The following CCR3 variants were observed in gnomAD, a reference collection of about 807,000 sequenced individuals.
CCR3 encodes C-C chemokine receptor type 3.
For synonymous variants in CCR3, 203 were observed against 179.2 expected (o/e 1.13, Z -1.06); for missense variants, 419 against 437.5 (o/e 0.96, Z 0.38).
intron 2 of CCR3, among the ~76,000 whole-genome samples, chr3:46,219,546 A>G (rs1444508027): frequency 6.6e-6 from 1 of 152,208 alleles, no homozygotes; most frequent in Non-Finnish European, 1.5e-5. Flanking sequence ...AACAAAAAGA[A>G]CAAATCTGGA....
intron 2 of CCR3, among the ~76,000 whole-genome samples, chr3:46,225,636 T>A: frequency 6.6e-6 from 1 of 152,230 alleles, no homozygotes; most frequent in East Asian, 1.9e-4. Context: ...CTCATGGTAG[T>A]TTTAATTTGC....
In CCR3 at chr3:46,243,002, T is replaced by TATACACAC. The variant is rs56773457; in HGVS notation, c.-12+465_-12+466insTACACACA. ...ATACACATATATATATATATATATA[T>TATACACAC]ACGCACACACACATACATTTTTATA... On this transcript the variant is annotated intron_variant, in intron 1 of 1. Transcript: ENST00000395940. Among the ~76,000 whole-genome samples, 107 of 123,734 alleles carry TATACACAC rather than the reference T, an allele frequency of 8.6e-4. 1 individual carries two copies. Among genetic ancestry groups the TATACACAC allele is most frequent in the African/African-American group, 2.5e-3 (76 of 30,726 alleles). 81.2% of individuals were successfully genotyped at this position (123,734 alleles called of 152,430 possible).
chr3:46,217,908 A>G (rs1699792969), intron 2 of CCR3, among the ~76,000 whole-genome samples: 1 of 151,928 alleles, frequency 6.6e-6, no homozygotes, highest in Admixed American at 6.6e-5. Flanking sequence ...TCAAGGAACC[A>G]GAGAAACAAG....
In CCR3 at chr3:46,246,849, C is replaced by T. The variant is rs556724685; in HGVS notation, c.-12+4311C>T. On this transcript the variant is annotated intron_variant, in intron 1 of 1. Transcript: ENST00000395940. ...CGATGTTTCCCAGGGCTGCTTCAAG[C>T]GGGATTAGGGGCGGCGTGGGAACCT... 2.1e-3 allele frequency among the ~76,000 whole-genome samples: 314 copies of T among 151,944 alleles called. 4 individuals are homozygous for T. The highest frequency in any genetic ancestry group is 7.1e-3 in the African/African-American group (294 of 41,414).
At chr3:46,260,089 A>G (rs910096052) in intron 1 of CCR3, among the ~76,000 whole-genome samples, 7 of 152,290 alleles carry the variant, frequency 4.6e-5, no homozygotes, top group Admixed American at 4.6e-4. Flanking sequence ...TTTAAAAACC[A>G]TCAGATCCCG....
intron 1 of CCR3, among the ~76,000 whole-genome samples, chr3:46,251,979 G>A (rs1323485897): frequency 6.6e-6 from 1 of 152,104 alleles, no homozygotes; most frequent in African/African-American, 2.4e-5. Flanking sequence ...CTTCTTTTGT[G>A]ATTCTTCAGT....
intron 1 of CCR3, among the ~76,000 whole-genome samples, chr3:46,249,579 G>T (rs553110987): frequency 6.6e-6 from 1 of 152,186 alleles, no homozygotes; most frequent in African/African-American, 2.4e-5. Flanking sequence ...GTCTTCAGCC[G>T]CTAAGCCAAG....
chr3:46,212,041 T>C (rs1699720715), intron 2 of CCR3, among the ~76,000 whole-genome samples: 1 of 152,204 alleles, frequency 6.6e-6, no homozygotes, highest in African/African-American at 2.4e-5. Context: ...TTTATTTGCC[T>C]TTCATGACCT....
intron 2 of CCR3, among the ~76,000 whole-genome samples, chr3:46,234,113 C>T (rs1315956895): frequency 6.6e-6 from 1 of 152,218 alleles, no homozygotes; most frequent in Non-Finnish European, 1.5e-5. Flanking sequence ...GCATCCTGAC[C>T]TTGAGAGATG....
Position 46,247,722 on chromosome 3 carries a change from G to C in CCR3, c.-12+5184G>C, listed in dbSNP as rs566126642. Among the ~76,000 whole-genome samples the C allele has an allele frequency of 2.2e-4, 33 of 152,230 alleles. 1 individual carries two copies. In the South Asian group the frequency reaches 6.6e-3, roughly 31 times the overall value. ...GCCCTTCTCAGACCCTGTAGGAAAG[G>C]CCTCTACCTATCTAGTGAAAGTGTC... On this transcript the variant is annotated intron_variant, in intron 1 of 1. Transcript: ENST00000395940.
chr3:46,239,490 G>C (rs923971908), upstream of CCR3, among the ~76,000 whole-genome samples: 1 of 152,146 alleles, frequency 6.6e-6, no homozygotes, highest in Non-Finnish European at 1.5e-5. Flanking sequence ...GCTCAGGAAG[G>C]CTACATGACT....
intron 1 of CCR3, among the ~76,000 whole-genome samples, chr3:46,249,158 G>A (rs9713993): frequency 6.6e-6 from 1 of 152,108 alleles, no homozygotes; most frequent in African/African-American, 2.4e-5. Context: ...GTGGGTTAAG[G>A]TGGGGGAATA....
At chr3:46,255,050 C>T (rs571954737) in intron 1 of CCR3, among the ~76,000 whole-genome samples, 27 of 103,196 alleles carry the variant, frequency 2.6e-4, no homozygotes, top group South Asian at 7.4e-4. Flanking sequence ...ACCACATCCA[C>T]GCCAACATCT....
At chr3:46,238,945 G>C (rs1373388048), upstream of CCR3, among the ~76,000 whole-genome samples, 1 of 152,196 alleles carries the variant, frequency 6.6e-6, no homozygotes, top group Non-Finnish European at 1.5e-5. Context: ...CAGGGGATAA[G>C]GGAGTCATTG....
chr3:46,240,708 CCA>C (rs1277887432), upstream of CCR3, among the ~76,000 whole-genome samples: 2 of 152,162 alleles, frequency 1.3e-5, no homozygotes, highest in Non-Finnish European at 2.9e-5. Context: ...TGTCCACATG[CCA>C]CACACTGGCC....
chr3:46,222,814 T>G (rs774021350), intron 2 of CCR3, among the ~76,000 whole-genome samples: 95 of 152,308 alleles, frequency 6.2e-4, no homozygotes, highest in Admixed American at 3.9e-3. Flanking sequence ...TTAAATATGA[T>G]TCAATATGTG....
chr3:46,221,106 A>G (rs1699831011), intron 2 of CCR3, among the ~76,000 whole-genome samples: 1 of 152,266 alleles, frequency 6.6e-6, no homozygotes, highest in African/African-American at 2.4e-5. Flanking sequence ...CCTTCGCCTT[A>G]GTGATATTAA....
intron 1 of CCR3, among the ~76,000 whole-genome samples, chr3:46,247,355 T>G (rs1477309735): frequency 6.6e-6 from 1 of 152,154 alleles, no homozygotes; most frequent in African/African-American, 2.4e-5. Flanking sequence ...GGGGGCCTAA[T>G]GAAAAGGAGC....
intron 2 of CCR3, among the ~76,000 whole-genome samples, chr3:46,211,397 AT>A (rs35633524): frequency 1.6e-5 from 2 of 125,362 alleles, no homozygotes; most frequent in African/African-American, 5.8e-5. Flanking sequence ...ATATATATAT[AT>A]TTTTTGTAGA....
Sources: gnomAD v4.1 joint callset for allele counts (sites outside exome capture counted in the v4.1 genomes callset) on GRCh38, gnomAD v4.1.1 for gene constraint, MANE v1.5 for transcripts, NCBI Gene and HGNC (gene_info 2026-07-23, HGNC 2026-07-21) for gene names.